ZNF573: variants seen among roughly 807,000 people sequenced by gnomAD.
ZNF573 encodes the protein zinc finger protein 573.
Under a neutral mutation model 57.4 loss-of-function variants are expected in ZNF573, and 41 were observed. The observed-to-expected ratio is 0.71, with a 90% confidence interval of 0.56 to 0.93. The LOEUF is 0.93. Among genes scored for constraint, ZNF573 ranks in the 40% least tolerant of loss-of-function variants. ZNF573 has a pLI of 0.00. For synonymous variants in ZNF573, 249 were observed against 261.0 expected, an observed-to-expected ratio of 0.95 and a Z score of 0.44; for missense variants, 730 against 794.8, an observed-to-expected ratio of 0.92 and a Z score of 0.98.
chr19:37,740,203 A>C lies in ZNF573; in HGVS notation c.296-9T>G, dbSNP rs777196664. 4.5e-6 allele frequency: 7 copies of C among 1,539,096 alleles called. No individual in the cohort carries two copies. Among genetic ancestry groups the C allele is most frequent in the Admixed American group, 4.4e-5 (2 of 45,364 alleles). On this transcript the variant is annotated splice_polypyrimidine_tract_variant and intron_variant, in intron 4 of 4. Coordinates refer to ENST00000536220, the MANE Select transcript of ZNF573 (RefSeq NM_001172690.2). ...ACACTGTAAATCCAAATCTGAAACA[A>C]AAGAGGACAACAAAAAAAATTTGTA... is the stretch of plus-strand genomic sequence containing the variant.
In ZNF573 at chr19:37,738,942, A is replaced by T; in HGVS notation, c.1548T>A (p.His516Gln). Residue 516 changes from histidine (H) to glutamine (Q), a missense_variant, in exon 5 of 5, where the codon CAT (histidine) becomes CAA (glutamine). Coordinates refer to ENST00000536220, the MANE Select transcript of ZNF573 (RefSeq NM_001172690.2). ...GTTTCATACCAGTATGAATTTTCTG[A>T]TGTTGATTAAGATATCCATGCAAGC... ...TFSLHGYLNQ[H>Q]QKIHTGMKPY... 6.2e-7 allele frequency: 1 copy of T among 1,610,730 alleles called. No homozygotes were observed. Among genetic ancestry groups the T allele is most frequent in the Non-Finnish European group, 8.5e-7 (1 of 1,177,098 alleles).
At chr19:37,775,981 T>C (rs192360994) in intron 1 of ZNF573, among the ~76,000 whole-genome samples, 6 of 151,976 alleles carry the variant, frequency 3.9e-5, no homozygotes, top group Admixed American at 6.6e-5. Context: ...AAGGAAATCA[T>C]AGATGACACA....
chr19:37,772,312 T>C (rs996928840), intron 2 of ZNF573, among the ~76,000 whole-genome samples: 29 of 152,076 alleles, frequency 1.9e-4, no homozygotes, highest in Non-Finnish European at 3.7e-4. Context: ...TTTGTATTTT[T>C]TGTAGAGACA....
At chr19:37,773,884 T>C in intron 1 of ZNF573, 133 bp from the exon 2 acceptor site, 1 of 578,524 alleles carries the variant, frequency 1.7e-6, no homozygotes, top group South Asian at 2.3e-5. Flanking sequence ...AGACAATGAA[T>C]CTAAGCACTC....
chr19:37,740,929 T>C (rs1232239926), intron 4 of ZNF573, among the ~76,000 whole-genome samples: 2 of 152,242 alleles, frequency 1.3e-5, no homozygotes, highest in Admixed American at 1.3e-4. Context: ...GAATAGCTGT[T>C]CTACTGTTGC....
At chr19:37,758,326 C>T (rs1472176104) in intron 4 of ZNF573, 31 of 142,162 alleles carry the variant, frequency 2.2e-4, no homozygotes, top group Admixed American at 2.1e-3. Context: ...AGAGGCTGGA[C>T]GCGGTGGCTC....
chr19:37,761,935 A>G (rs2045557177), intron 4 of ZNF573, among the ~76,000 whole-genome samples: 1 of 152,238 alleles, frequency 6.6e-6, no homozygotes, highest in Non-Finnish European at 1.5e-5. Context: ...AGGGTGAAAA[A>G]GAAGTTTTTC....
chr19:37,751,981 C>T (rs1273545647), intron 4 of ZNF573, among the ~76,000 whole-genome samples: 1 of 139,228 alleles, frequency 7.2e-6, no homozygotes, highest in Non-Finnish European at 1.6e-5. Context: ...GTATATAGTA[C>T]ATAGTACCGT....
intron 1 of ZNF573, among the ~76,000 whole-genome samples, chr19:37,776,456 C>A (rs1230911322): frequency 6.6e-6 from 1 of 152,154 alleles, no homozygotes; most frequent in Non-Finnish European, 1.5e-5. Context: ...ACTGGAGCTT[C>A]ATCTCTCACC....
chr19:37,773,483 AC>A (rs1416823666), intron 2 of ZNF573, among the ~76,000 whole-genome samples, 177 bp downstream of exon 2: 2 of 152,256 alleles, frequency 1.3e-5, no homozygotes, highest in African/African-American at 4.8e-5. Context: ...ATAAAAGTGG[AC>A]AGAAAATACT....
chr19:37,743,453 C>T (rs896042026), intron 4 of ZNF573, among the ~76,000 whole-genome samples: 2 of 152,040 alleles, frequency 1.3e-5, no homozygotes, highest in African/African-American at 4.8e-5. Flanking sequence ...CATCTCACAC[C>T]AGTTAGAATG....
chr19:37,741,477 C>A (rs551991490), intron 4 of ZNF573, among the ~76,000 whole-genome samples: 1 of 152,198 alleles, frequency 6.6e-6, no homozygotes, highest in African/African-American at 2.4e-5. Flanking sequence ...TGTTGCTTAT[C>A]CACCGTGATC....
At position 37,764,314 on chromosome 19, in the gene ZNF573, T is replaced by G. The variant is rs543467570; in HGVS notation, c.295+5691A>C. Among the ~76,000 whole-genome samples the G allele has an allele frequency of 3.1e-4, 47 of 151,400 alleles. No homozygotes were observed. The East Asian group carries it at 3.3e-3, about 11-fold the overall frequency. ...TGTATACTTAGAGTTTTTTTTTGTT[T>G]TTTTTTTTTGTTGTTTTTTTTTCTT... On this transcript the variant is annotated intron_variant, in intron 4 of 4. Coordinates refer to ENST00000536220, the MANE Select transcript of ZNF573 (RefSeq NM_001172690.2).
chr19:37,777,312 A>G (rs1249888012), intron 1 of ZNF573, among the ~76,000 whole-genome samples: 2 of 152,190 alleles, frequency 1.3e-5, no homozygotes, highest in African/African-American at 2.4e-5. Flanking sequence ...CTGCACCCAG[A>G]CAGAAGTAAT....
chr19:37,766,852 T>TTC (rs1252232451), intron 4 of ZNF573, among the ~76,000 whole-genome samples: 4 of 152,194 alleles, frequency 2.6e-5, no homozygotes, highest in African/African-American at 9.7e-5. Context: ...CAAAATCGAT[T>TTC]AAGTGTAACA....
chr19:37,774,906 A>C (rs185092285), intron 1 of ZNF573, among the ~76,000 whole-genome samples: 3 of 152,238 alleles, frequency 2.0e-5, no homozygotes, highest in African/African-American at 7.2e-5. Flanking sequence ...TAAAAAATAC[A>C]TGTGTACACA....
chr19:37,758,827 C>T (rs1599696812), intron 4 of ZNF573, among the ~76,000 whole-genome samples: 1 of 151,842 alleles, frequency 6.6e-6, no homozygotes, highest in Non-Finnish European at 1.5e-5. Flanking sequence ...TGAAAAATAT[C>T]GTTAAATATA....
At chr19:37,760,034 A>C (rs758202301) in intron 4 of ZNF573, among the ~76,000 whole-genome samples, 15 of 152,220 alleles carry the variant, frequency 9.9e-5, no homozygotes, top group Non-Finnish European at 2.2e-4. Context: ...TTGGAGTTTT[A>C]AGATTTGTAT....
chr19:37,769,727 G>GAAAAAAA (rs397944905), intron 4 of ZNF573, among the ~76,000 whole-genome samples: 3 of 55,208 alleles, frequency 5.4e-5, no homozygotes, highest in Admixed American at 2.2e-4. Flanking sequence ...CTCTGTCTCG[G>GAAAAAAA]AAAAAAAAAA....
Sources: allele counts gnomAD v4.1 joint callset (sites outside exome capture counted in the v4.1 genomes callset), GRCh38; gene constraint gnomAD v4.1.1; transcripts MANE v1.5; gene names NCBI Gene and HGNC (gene_info 2026-07-23, HGNC 2026-07-21).